Variants in PCDHGB3 observed in about 807,000 individuals in gnomAD.
PCDHGB3 encodes the protein protocadherin gamma subfamily B, 3, also known as protocadherin gamma-B3.
Under a neutral mutation model 59.2 loss-of-function variants are expected in PCDHGB3, and 40 were observed. The ratio of observed to expected loss-of-function variants is 0.68; its 90% CI spans 0.52 to 0.88. The LOEUF is 0.88. Ranked by LOEUF, PCDHGB3 falls within the 40% of genes least tolerant of loss-of-function variation. The pLI, the probability that PCDHGB3 is intolerant of heterozygous loss-of-function variation, is 0.00. For synonymous variants in PCDHGB3, 581 were observed against 503.6 expected (o/e 1.15, Z -2.06); for missense variants, 1,309 against 1,187.9 (o/e 1.10, Z -1.50).
chr5:141,418,370 C>G (rs910813828), intron 1 of PCDHGB3: 1 of 1,613,822 alleles, frequency 6.2e-7, no homozygotes, highest in African/African-American at 1.3e-5. Flanking sequence ...GAGCAAATAC[C>G]AACTAAGTCC....
chr5:141,388,525 C>T (rs780990884), intron 1 of PCDHGB3: 2 of 1,613,854 alleles, frequency 1.2e-6, no homozygotes, highest in Non-Finnish European at 8.5e-7. Flanking sequence ...ACTTTGACTG[C>T]CTTGGACTTT....
intron 1 of PCDHGB3, among the ~76,000 whole-genome samples, chr5:141,470,877 T>C (rs1438812002): frequency 1.3e-5 from 2 of 151,808 alleles, no homozygotes; most frequent in Non-Finnish European, 2.9e-5. Context: ...TTTGTTTTTT[T>C]GTTTTTGTTT....
At chr5:141,444,152 A>ATTTTTTTTTTTTTTTTT (rs747671382) in intron 1 of PCDHGB3, among the ~76,000 whole-genome samples, 1 of 33,898 alleles carries the variant, frequency 3.0e-5, no homozygotes, top group African/African-American at 1.4e-4. Context: ...TGTGTACTGG[A>ATTTTTTTTTTTTTTTTT]TTTTTTTTTT....
intron 1 of PCDHGB3, among the ~76,000 whole-genome samples, chr5:141,401,018 G>C (rs2094104038): frequency 6.6e-6 from 1 of 152,108 alleles, no homozygotes; most frequent in Admixed American, 6.5e-5. Flanking sequence ...ATGGATTTAT[G>C]ATTTTTTGAA....
At chr5:141,418,328 G>A (rs1298044571) in intron 1 of PCDHGB3, 1 of 1,614,002 alleles carries the variant, frequency 6.2e-7, no homozygotes, top group Non-Finnish European at 8.5e-7. Flanking sequence ...TCTTGAGTCT[G>A]CAGAAGATCC....
intron 1 of PCDHGB3, chr5:141,414,817 A>C: frequency 6.2e-7 from 1 of 1,614,214 alleles, no homozygotes; most frequent in Non-Finnish European, 8.5e-7. Context: ...TCCACTCAGC[A>C]GCAACGTGTC....
intron 1 of PCDHGB3, chr5:141,377,279 A>T (rs1256145515): frequency 1.3e-5 from 2 of 152,110 alleles, no homozygotes; most frequent in Admixed American, 1.3e-4. Flanking sequence ...TGGGAAAAAA[A>T]ATAACCTTAA....
At chr5:141,413,993 G>A (rs756042576) in intron 1 of PCDHGB3, 2 of 1,613,486 alleles carry the variant, frequency 1.2e-6, no homozygotes, top group Non-Finnish European at 1.7e-6. Context: ...GCCACCGACA[G>A]GGACGAAGGT....
At chr5:141,468,744 T>G (rs113912306) in intron 1 of PCDHGB3, among the ~76,000 whole-genome samples, 5,602 of 152,138 alleles carry the variant, frequency 0.037, 142 homozygotes, top group South Asian at 0.077. Flanking sequence ...CGGGTGCCTG[T>G]AGTCCCAGCT....
At chr5:141,471,743 C>T (rs769600930) in intron 1 of PCDHGB3, among the ~76,000 whole-genome samples, 2 of 152,142 alleles carry the variant, frequency 1.3e-5, no homozygotes, top group Non-Finnish European at 2.9e-5. Flanking sequence ...GGAGACATAA[C>T]ATATTTGAGG....
At position 141,372,541 on chromosome 5, in the gene PCDHGB3, G is replaced by A. The variant is rs376822583; in HGVS notation, c.2147G>A (p.Arg716Gln). Reference protein sequence around the residue: ...AVILAISLRLRCSSRPATEGY... With the variant: ...AVILAISLRLQCSSRPATEGY... ...ATTCTGGCAATCTCCCTGCGCCTGC[G>A]ATGCTCCTCCAGACCCGCCACTGAG... The change falls in exon 1 of 4, where the codon CGA (arginine) becomes CAA (glutamine). Residue 716 changes from arginine to glutamine, a missense_variant. Physicochemically the swap from Arg to Gln is conservative, Grantham distance 43. Transcript: ENST00000576222. The A allele has an allele frequency of 1.7e-5, 28 of 1,613,862 alleles. No homozygotes were observed. Among genetic ancestry groups the A allele is most frequent in the Non-Finnish European group, 2.0e-5 (24 of 1,179,908 alleles).
At chr5:141,422,040 C>T (rs1045003805) in intron 1 of PCDHGB3, 10 of 1,611,324 alleles carry the variant, frequency 6.2e-6, no homozygotes, top group African/African-American at 4.0e-5. Context: ...CGGATCCAGA[C>T]GAGGGAATCA....
At chr5:141,419,792 G>T (rs1379811891) in intron 1 of PCDHGB3, 15 of 1,613,924 alleles carry the variant, frequency 9.3e-6, no homozygotes, top group African/African-American at 2.7e-5. Flanking sequence ...CCTGCTAGTC[G>T]CTGTAAGAGA....
At chr5:141,389,842 C>T (rs779733638) in intron 1 of PCDHGB3, 21 of 1,614,018 alleles carry the variant, frequency 1.3e-5, no homozygotes, top group Non-Finnish European at 1.7e-5. Context: ...CCACCACTCT[C>T]GGCCACTGCC....
chr5:141,383,340 T>C (rs1475808617), intron 1 of PCDHGB3: 15 of 1,614,016 alleles, frequency 9.3e-6, no homozygotes, highest in Non-Finnish European at 1.2e-5. Context: ...AGAATACAGC[T>C]CCTGGGGTTC....
At chr5:141,495,804 T>G (rs894259635) in intron 2 of PCDHGB3, among the ~76,000 whole-genome samples, 1 of 152,168 alleles carries the variant, frequency 6.6e-6, no homozygotes, top group South Asian at 2.1e-4. Flanking sequence ...TTTCACCGTT[T>G]CCTAGCGCCT....
chr5:141,387,995 T>TCC (rs2091190111), intron 1 of PCDHGB3: 1 of 1,490,632 alleles, frequency 6.7e-7, no homozygotes, highest in Admixed American at 2.1e-5. Flanking sequence ...GCTACAGGAT[T>TCC]CCCGAGGAAA....
At chr5:141,433,084 T>G in intron 1 of PCDHGB3, 1 of 1,614,184 alleles carries the variant, frequency 6.2e-7, no homozygotes, top group Non-Finnish European at 8.5e-7. Flanking sequence ...AGCCCAACTA[T>G]GCAGACATGC....
Position 141,413,600 on chromosome 5 carries a change from T to A in PCDHGB3, c.2415+40791T>A, listed in dbSNP as rs767830855. ...GCTCCAAAATTCCAAGCAGAAAATC[T>A]AGACGTAAAAATTAATGAAAATGTC... On this transcript the variant is annotated intron_variant, in intron 1 of 3. Transcript: ENST00000576222. 2.4e-5 allele frequency: 39 copies of A among 1,613,750 alleles called. No homozygotes were observed. Among genetic ancestry groups the A allele is most frequent in the Non-Finnish European group, 3.3e-5 (39 of 1,179,908 alleles).
Sources: allele counts gnomAD v4.1 joint callset (sites outside exome capture counted in the v4.1 genomes callset), GRCh38; gene constraint gnomAD v4.1.1; transcripts MANE v1.5; gene names NCBI Gene and HGNC (gene_info 2026-07-23, HGNC 2026-07-21).